Variants in RBFOX1 observed in about 807,000 individuals in gnomAD.
The protein encoded by RBFOX1 is RNA binding fox-1 homolog 1.
In RBFOX1, 8 loss-of-function variants were observed where a neutral mutation model predicts 57.7. The observed-to-expected ratio is 0.14, with a 90% CI of 0.08 to 0.25. The LOEUF is 0.25. Ranked by LOEUF, RBFOX1 falls within the 10% of genes least tolerant of loss-of-function variation. RBFOX1 has a pLI of 1.00. For missense variants in RBFOX1, 611 were observed against 548.5 expected (o/e 1.11, Z -1.14); for synonymous variants, 326 against 222.4 (o/e 1.47, Z -4.15).
intron 3 of RBFOX1, among the ~76,000 whole-genome samples, chr16:5,712,011 G>A (rs959432454): frequency 6.6e-6 from 1 of 152,206 alleles, no homozygotes; most frequent in African/African-American, 2.4e-5. Flanking sequence ...GGCTGGGAAG[G>A]CCTCAGGAAA....
At chr16:6,678,571 GT>G (rs2058125730) in intron 3 of RBFOX1, among the ~76,000 whole-genome samples, 1 of 151,316 alleles carries the variant, frequency 6.6e-6, no homozygotes, top group Non-Finnish European at 1.5e-5. Context: ...TAGAGGTTTT[GT>G]GATAACACAA....
intron 2 of RBFOX1, among the ~76,000 whole-genome samples, chr16:5,491,820 C>A (rs2042839864): frequency 1.3e-5 from 2 of 152,206 alleles, no homozygotes; most frequent in African/African-American, 4.8e-5. Flanking sequence ...CCTAGCTGCA[C>A]ATTAGAATTA....
chr16:7,115,342 A>T (rs539158668), intron 4 of RBFOX1, among the ~76,000 whole-genome samples: 87 of 152,308 alleles, frequency 5.7e-4, no homozygotes, highest in African/African-American at 2.0e-3. Flanking sequence ...GGAAGCGAAT[A>T]AGAAATATGA....
At chr16:5,682,753 C>G (rs978719004) in intron 3 of RBFOX1, among the ~76,000 whole-genome samples, 1 of 152,196 alleles carries the variant, frequency 6.6e-6, no homozygotes, top group Admixed American at 6.5e-5. Context: ...TCCTTGGCAG[C>G]CACACATTGA....
intron 1 of RBFOX1, among the ~76,000 whole-genome samples, chr16:6,121,541 T>C (rs1413014114): frequency 2.0e-5 from 3 of 152,224 alleles, no homozygotes; most frequent in African/African-American, 7.2e-5. Flanking sequence ...TTGTTTTTGC[T>C]GTGTCTGACT....
At chr16:5,872,685 A>C (rs990669542) in intron 4 of RBFOX1, among the ~76,000 whole-genome samples, 1 of 152,074 alleles carries the variant, frequency 6.6e-6, no homozygotes, top group African/African-American at 2.4e-5. Context: ...GCAGTGAGGC[A>C]AGATTGCACC....
At chr16:6,833,301 G>C (rs1012183765) in intron 3 of RBFOX1, among the ~76,000 whole-genome samples, 3 of 151,952 alleles carry the variant, frequency 2.0e-5, no homozygotes, top group Admixed American at 6.6e-5. Flanking sequence ...GAGTACCTGC[G>C]ACTATAGGCT....
At chr16:6,540,229 A>G (rs1170068300) in intron 2 of RBFOX1, among the ~76,000 whole-genome samples, 2 of 151,956 alleles carry the variant, frequency 1.3e-5, no homozygotes, top group Non-Finnish European at 2.9e-5. Flanking sequence ...TCTTGAAAGT[A>G]GGTTTTGGCC....
chr16:7,388,067 C>T (rs1385061669), intron 4 of RBFOX1, among the ~76,000 whole-genome samples: 1 of 151,516 alleles, frequency 6.6e-6, no homozygotes, highest in Non-Finnish European at 1.5e-5. Flanking sequence ...TTAAAGGCAT[C>T]CAAAAAATTG....
intron 4 of RBFOX1, among the ~76,000 whole-genome samples, chr16:7,182,321 A>G (rs994133885): frequency 2.6e-5 from 4 of 152,220 alleles, no homozygotes; most frequent in South Asian, 4.2e-4. Context: ...CCCCCTGCAA[A>G]AAAAAAGACC....
Position 7,703,000 on chromosome 16 carries a change from G to A in RBFOX1, c.996-6056G>A, listed in dbSNP as rs74011868. ...TGCCCCAGAGCACCCCAACCAGGGG[G>A]GTAGACAGCAGAACTGCTAAATCTC... On this transcript the variant is annotated intron_variant, in intron 14 of 15. Coordinates refer to ENST00000550418, the MANE Select transcript of RBFOX1 (RefSeq NM_018723.4). Among the ~76,000 whole-genome samples the A allele has an allele frequency of 9.3e-3, 1,413 of 152,280 alleles. 34 individuals are homozygous for A. The highest frequency in any genetic ancestry group is 0.033 in the African/African-American group (1,362 of 41,552).
At chr16:7,034,376 G>C (rs543184423) in intron 3 of RBFOX1, among the ~76,000 whole-genome samples, 8 of 152,248 alleles carry the variant, frequency 5.3e-5, no homozygotes, top group African/African-American at 1.9e-4. Context: ...AGGAGAGGGG[G>C]CTGAGGTTGG....
intron 2 of RBFOX1, among the ~76,000 whole-genome samples, chr16:6,491,148 G>T (rs1317326877): frequency 6.6e-6 from 1 of 151,832 alleles, no homozygotes; most frequent in South Asian, 2.1e-4. Flanking sequence ...TGTAACTTAT[G>T]TATAGACTAG....
intron 2 of RBFOX1, among the ~76,000 whole-genome samples, chr16:6,502,497 C>G (rs1030241726): frequency 6.6e-6 from 1 of 152,120 alleles, no homozygotes; most frequent in Non-Finnish European, 1.5e-5. Flanking sequence ...AACCCATCTA[C>G]TATTTTAAGG....
At chr16:6,205,093 A>G (rs1042576288) in intron 1 of RBFOX1, among the ~76,000 whole-genome samples, 4 of 152,206 alleles carry the variant, frequency 2.6e-5, no homozygotes, top group Non-Finnish European at 5.9e-5. Flanking sequence ...AAGCTCTGTC[A>G]CCAGGCCCTC....
chr16:7,677,833 G>A (rs954665836), intron 14 of RBFOX1, among the ~76,000 whole-genome samples: 1 of 152,146 alleles, frequency 6.6e-6, no homozygotes, highest in Non-Finnish European at 1.5e-5. Flanking sequence ...GTAAGCAGGC[G>A]ATGTATTTGA....
intron 5 of RBFOX1, among the ~76,000 whole-genome samples, chr16:7,545,981 A>G (rs893113329): frequency 6.7e-6 from 1 of 149,550 alleles, no homozygotes; most frequent in African/African-American, 2.5e-5. Flanking sequence ...AACTAGAAGC[A>G]CTTATTACTA....
intron 4 of RBFOX1, among the ~76,000 whole-genome samples, chr16:6,007,286 T>C (rs2094933297): frequency 6.6e-6 from 1 of 152,236 alleles, no homozygotes; most frequent in South Asian, 2.1e-4. Context: ...GCTTGGATGC[T>C]TGCTCTCCTG....
intron 2 of RBFOX1, among the ~76,000 whole-genome samples, chr16:6,350,524 C>A (rs965423075): frequency 1.4e-5 from 2 of 138,608 alleles, no homozygotes; most frequent in African/African-American, 5.4e-5. Flanking sequence ...ATATACTTCC[C>A]AACTTCTAAG....
Sources: allele counts gnomAD v4.1 joint callset (sites outside exome capture counted in the v4.1 genomes callset), GRCh38; gene constraint gnomAD v4.1.1; transcripts MANE v1.5; gene names NCBI Gene and HGNC (gene_info 2026-07-23, HGNC 2026-07-21).